The following LRRC63 variants were observed in gnomAD, a reference collection of about 807,000 sequenced individuals.
LRRC63 encodes leucine rich repeat containing 63, also known as leucine-rich repeat-containing protein 63.
A neutral mutation model predicts 49.5 loss-of-function variants in LRRC63; 40 were observed. That is an observed-to-expected ratio of 0.81 (90% confidence interval 0.63 to 1.05). The LOEUF is 1.05. Among genes scored for constraint, LRRC63 ranks in the 50% least tolerant of loss-of-function variants. The pLI, the probability that LRRC63 is intolerant of heterozygous loss-of-function variation, is 0.00. For synonymous variants in LRRC63, 191 were observed against 221.1 expected (o/e 0.86, Z 1.21); for missense variants, 636 against 663.1 (o/e 0.96, Z 0.45).
At chr13:46,222,424 G>T (rs1002600266) in intron 2 of LRRC63, among the ~76,000 whole-genome samples, 1 of 152,076 alleles carries the variant, frequency 6.6e-6, no homozygotes, top group Admixed American at 6.6e-5. Context: ...AATCCATTTC[G>T]AGTTGATTGT....
At chr13:46,251,280 A>G (rs2047373234) in intron 7 of LRRC63, among the ~76,000 whole-genome samples, 1 of 151,920 alleles carries the variant, frequency 6.6e-6, no homozygotes, top group African/African-American at 2.4e-5. Flanking sequence ...TTGTACATTC[A>G]TAAACATTCA....
At chr13:46,227,365 C>G in intron 2 of LRRC63, 147 bp from the exon 3 acceptor site, 1 of 553,594 alleles carries the variant, frequency 1.8e-6, no homozygotes. Flanking sequence ...TGTCAACACA[C>G]ATCCTGGTAG....
intron 5 of LRRC63, among the ~76,000 whole-genome samples, chr13:46,246,163 G>C (rs1157156673): frequency 6.6e-6 from 1 of 152,082 alleles, no homozygotes; most frequent in African/African-American, 2.4e-5. Context: ...TGCTATGATC[G>C]TAAGTTTCCT....
At chr13:46,257,256 T>C (rs2047527327) in intron 7 of LRRC63, among the ~76,000 whole-genome samples, 1 of 152,230 alleles carries the variant, frequency 6.6e-6, no homozygotes, top group South Asian at 2.1e-4. Flanking sequence ...AACTGAATTC[T>C]GCCAACAGCC....
At chr13:46,276,864 A>ATT (rs1566518853) in exon 10 of LRRC63, 2 of 161,626 alleles carry the variant, frequency 1.2e-5, no homozygotes, top group Non-Finnish European at 2.3e-5. Context: ...ATATATATAT[A>ATT]TATTTATATA....
At chr13:46,258,208 C>T (rs2047549520) in intron 7 of LRRC63, among the ~76,000 whole-genome samples, 1 of 147,610 alleles carries the variant, frequency 6.8e-6, no homozygotes, top group South Asian at 2.1e-4. Flanking sequence ...TGGCTCACCA[C>T]AACCTCTGCC....
At chr13:46,234,526 G>C (rs982897406) in intron 5 of LRRC63, among the ~76,000 whole-genome samples, 177 bp downstream of exon 5, 1 of 152,108 alleles carries the variant, frequency 6.6e-6, no homozygotes, top group Non-Finnish European at 1.5e-5. Context: ...TTTGCCTTCA[G>C]TTTAAAAAGA....
chr13:46,220,768 A>C (rs1337686316), intron 2 of LRRC63, among the ~76,000 whole-genome samples: 1 of 151,890 alleles, frequency 6.6e-6, no homozygotes, highest in Non-Finnish European at 1.5e-5. Flanking sequence ...CCTGGTCTAG[A>C]GGTTGTGAAG....
intron 7 of LRRC63, among the ~76,000 whole-genome samples, chr13:46,258,717 A>G (rs994045733): frequency 2.7e-5 from 4 of 150,006 alleles, no homozygotes; most frequent in Non-Finnish European, 4.4e-5. Context: ...CTGAGGCAGG[A>G]GAATCGCTTG....
chr13:46,237,325 C>A (rs1052279229), intron 5 of LRRC63, among the ~76,000 whole-genome samples: 2 of 151,938 alleles, frequency 1.3e-5, no homozygotes, highest in Admixed American at 6.6e-5. Flanking sequence ...TTTTGAAAAC[C>A]CATAGAATAT....
At position 46,266,732 on chromosome 13, in the gene LRRC63, G is replaced by T; in HGVS notation, c.1311-1G>T. 1.3e-6 allele frequency: 2 copies of T among 1,535,502 alleles called. No homozygotes were observed. The highest frequency in any genetic ancestry group is 1.8e-6 in the Non-Finnish European group (2 of 1,141,762). ...TAAAGTGTGGTTTCCTTTATTTACA[G>T]ATCACTTGAAAAACTGACTGTTGAT... On this transcript the variant is annotated splice_acceptor_variant, in intron 8 of 9. Coordinates refer to ENST00000595396, the Ensembl canonical transcript of LRRC63. LOFTEE classifies it high-confidence loss of function.
At chr13:46,222,860 A>G (rs901364162) in intron 2 of LRRC63, among the ~76,000 whole-genome samples, 1 of 152,098 alleles carries the variant, frequency 6.6e-6, no homozygotes, top group Non-Finnish European at 1.5e-5. Flanking sequence ...GCACATATAC[A>G]CCATAGAATA....
At chr13:46,217,871 A>C (rs1439929578) in intron 2 of LRRC63, among the ~76,000 whole-genome samples, 1 of 152,164 alleles carries the variant, frequency 6.6e-6, no homozygotes, top group Non-Finnish European at 1.5e-5. Flanking sequence ...TTTACCCAGT[A>C]GTCATTCAGT....
chr13:46,228,258 CT>C, intron 3 of LRRC63, 69 bp downstream of exon 3: 1 of 1,184,380 alleles, frequency 8.4e-7, no homozygotes, highest in Non-Finnish European at 1.2e-6. Flanking sequence ...GGCATGCAAG[CT>C]AATGGTACCC....
At chr13:46,273,485 C>T (rs2047787590) in intron 9 of LRRC63, among the ~76,000 whole-genome samples, 2 of 151,740 alleles carry the variant, frequency 1.3e-5, no homozygotes, top group Admixed American at 1.3e-4. Context: ...ACCTGTAGTC[C>T]CAGCTACTCA....
chr13:46,257,834 C>A (rs906311826), intron 7 of LRRC63, among the ~76,000 whole-genome samples: 1 of 152,062 alleles, frequency 6.6e-6, no homozygotes, highest in Non-Finnish European at 1.5e-5. Flanking sequence ...GGTGGCTAAG[C>A]ATTGTATTTA....
chr13:46,263,164 A>C (rs1345478203), intron 8 of LRRC63, among the ~76,000 whole-genome samples: 1 of 129,322 alleles, frequency 7.7e-6, no homozygotes, highest in Non-Finnish European at 1.6e-5. Flanking sequence ...CTCTTTTTAA[A>C]TTTTTGAATT....
chr13:46,274,946 T>C (rs2047813115), intron 9 of LRRC63, among the ~76,000 whole-genome samples: 1 of 152,126 alleles, frequency 6.6e-6, no homozygotes. Context: ...AACTCCTATC[T>C]ACCTGTGATT....
At chr13:46,223,717 A>G (rs946243624) in intron 2 of LRRC63, among the ~76,000 whole-genome samples, 2 of 151,998 alleles carry the variant, frequency 1.3e-5, no homozygotes, top group Non-Finnish European at 2.9e-5. Context: ...TTAGCTGGGC[A>G]TGGTGGTGTG....
Sources: gnomAD v4.1 joint callset for allele counts (sites outside exome capture counted in the v4.1 genomes callset) on GRCh38, gnomAD v4.1.1 for gene constraint, MANE v1.5 for transcripts, NCBI Gene and HGNC (gene_info 2026-07-23, HGNC 2026-07-21) for gene names.